Variants in SPEF2 observed in about 807,000 individuals in gnomAD.
SPEF2 encodes the protein sperm flagellar and cilia associated 2, also known as sperm flagella and cilia-associated protein 2.
In SPEF2, 187 loss-of-function variants were observed where a neutral mutation model predicts 224.6. The observed-to-expected ratio is 0.83, with a 90% CI of 0.74 to 0.94. The LOEUF (loss-of-function observed/expected upper bound fraction) is 0.94, where lower values mean the gene tolerates loss of function less well. SPEF2 is among the 40% of genes least tolerant of loss of function. SPEF2 has a pLI of 0.00. For synonymous variants in SPEF2, 715 were observed against 707.3 expected, an observed-to-expected ratio of 1.01 and a Z score of -0.17; for missense variants, 2,170 against 2,135.6, an observed-to-expected ratio of 1.02 and a Z score of -0.32.
In SPEF2 at chr5:35,618,237, G is replaced by A. The variant is rs1041754486; in HGVS notation, c.58+182G>A. Reference sequence around the variant, plus strand: ...CTCGGCGGTGCCCCAGGTCCGTCCCGCCACCTCCCTACAGCTCACCCCAGC... The same window carrying A: ...CTCGGCGGTGCCCCAGGTCCGTCCCACCACCTCCCTACAGCTCACCCCAGC... On this transcript the variant is annotated intron_variant, in intron 1 of 36. Coordinates refer to ENST00000356031, the MANE Select transcript of SPEF2 (RefSeq NM_024867.4). 5.9e-5 allele frequency among the ~76,000 whole-genome samples: 9 copies of A among 152,194 alleles called. No homozygotes were observed. The South Asian group carries it at 1.0e-3, about 18-fold the overall frequency.
chr5:35,738,554 T>G (rs898097551), intron 21 of SPEF2, among the ~76,000 whole-genome samples: 1 of 148,880 alleles, frequency 6.7e-6, no homozygotes, highest in African/African-American at 2.5e-5. Flanking sequence ...CAACAGAAAT[T>G]GTTAACAAGT....
intron 20 of SPEF2, among the ~76,000 whole-genome samples, chr5:35,726,966 C>T (rs1022720731): frequency 7.1e-6 from 1 of 141,544 alleles, no homozygotes; most frequent in Admixed American, 7.7e-5. Context: ...TCCTCTTTCT[C>T]GTTTTCTTCC....
At chr5:35,753,485 A>C (rs903303371) in intron 23 of SPEF2, 139 bp from the exon 24 acceptor site, 2 of 1,106,338 alleles carry the variant, frequency 1.8e-6, no homozygotes. Context: ...GAATGAGCAC[A>C]TACAATACAG....
rs367661624 is a variant in SPEF2, at chr5:35,659,206, C to A, written c.1166C>A (p.Ala389Glu). The A allele has an allele frequency of 6.3e-7, 1 of 1,595,928 alleles. No individual in the cohort carries two copies. The highest frequency in any genetic ancestry group is 8.6e-7 in the Non-Finnish European group (1 of 1,168,842). Reference sequence around the variant, plus strand: ...TTCCAGGATGCTCTTGATCGAGAAGCGGTAAATACCATCTTCCTTAGAAAT... The same window carrying A: ...TTCCAGGATGCTCTTGATCGAGAAGAGGTAAATACCATCTTCCTTAGAAAT... The part of the protein sequence containing the change: ...KDFQDALDRE[A>E]ALAKQAKIDF... Residue 389 changes from alanine (A) to glutamate (E), a missense_variant and splice_region_variant, in exon 8 of 37, where the codon GCG becomes GAG. Physicochemically the swap from Ala to Glu is moderately radical, Grantham distance 107 (BLOSUM62 -1). Coordinates refer to ENST00000356031, the MANE Select transcript of SPEF2 (RefSeq NM_024867.4).
intron 4 of SPEF2, among the ~76,000 whole-genome samples, chr5:35,645,868 A>C (rs1024478403): frequency 6.6e-6 from 1 of 152,152 alleles, no homozygotes; most frequent in Non-Finnish European, 1.5e-5. Context: ...CATATTTTGG[A>C]AAATGAAGAA....
At chr5:35,674,608 A>G (rs1048171940) in intron 10 of SPEF2, among the ~76,000 whole-genome samples, 4 of 137,542 alleles carry the variant, frequency 2.9e-5, no homozygotes, top group East Asian at 4.4e-4. Context: ...ATTCCCACCT[A>G]TGAGTGAGAA....
chr5:35,783,123 C>T lies in SPEF2; in HGVS notation c.4447+3777C>T, dbSNP rs1159042525. 3.3e-5 allele frequency among the ~76,000 whole-genome samples: 5 copies of T among 152,290 alleles called. No homozygotes were observed. The East Asian group carries it at 7.7e-4, about 23-fold the overall frequency. On this transcript the variant is annotated intron_variant, in intron 30 of 36. Transcript: ENST00000356031. ...GGAATCATTCCTATGAGCGTACTAC[C>T]GGCAGAGTTAGATCTAGTGAATATT...
At chr5:35,799,932 C>A (rs756618877) in intron 33 of SPEF2, 36 bp from the exon 34 acceptor site, 2 of 1,609,148 alleles carry the variant, frequency 1.2e-6, no homozygotes, top group Admixed American at 3.3e-5. Context: ...TATGAGAGTG[C>A]ACCCATTTTA....
At chr5:35,689,908 A>T (rs569067469) in intron 10 of SPEF2, among the ~76,000 whole-genome samples, 1 of 152,294 alleles carries the variant, frequency 6.6e-6, no homozygotes, top group African/African-American at 2.4e-5. Context: ...TAGAAATTTC[A>T]TTATCCATTA....
intron 7 of SPEF2, among the ~76,000 whole-genome samples, chr5:35,658,641 G>A (rs1187422432): frequency 1.3e-5 from 2 of 151,300 alleles, no homozygotes; most frequent in African/African-American, 4.9e-5. Context: ...TGTTATATAG[G>A]TAAACTCGTG....
At chr5:35,685,320 T>C (rs1212656532) in intron 10 of SPEF2, among the ~76,000 whole-genome samples, 1 of 152,142 alleles carries the variant, frequency 6.6e-6, no homozygotes, top group African/African-American at 2.4e-5. Context: ...TCTGCAGTGT[T>C]CTCATATCAG....
intron 33 of SPEF2, among the ~76,000 whole-genome samples, chr5:35,797,199 C>A (rs1426970633): frequency 6.6e-6 from 1 of 152,100 alleles, no homozygotes; most frequent in Non-Finnish European, 1.5e-5. Context: ...ACTTTTGGAG[C>A]AGGTGGCTCC....
intron 10 of SPEF2, among the ~76,000 whole-genome samples, chr5:35,687,003 C>T (rs532708908): frequency 3.3e-5 from 5 of 151,924 alleles, no homozygotes; most frequent in Non-Finnish European, 7.4e-5. Context: ...TATAATCAAA[C>T]TACCAACTTT....
chr5:35,798,209 T>G (rs1028648079), intron 33 of SPEF2, among the ~76,000 whole-genome samples: 11 of 152,100 alleles, frequency 7.2e-5, no homozygotes, highest in African/African-American at 2.4e-5. Flanking sequence ...CATCCCCCGC[T>G]CAAAACTTCC....
intron 20 of SPEF2, among the ~76,000 whole-genome samples, chr5:35,723,811 CAG>C (rs1451095758): frequency 6.6e-6 from 1 of 152,208 alleles, no homozygotes; most frequent in Admixed American, 6.5e-5. Flanking sequence ...AGACCTTTAA[CAG>C]AGGACAGTAT....
intron 11 of SPEF2, 119 bp from the exon 12 acceptor site, chr5:35,692,451 C>T: frequency 1.4e-6 from 1 of 724,270 alleles, no homozygotes; most frequent in Non-Finnish European, 2.3e-6. Flanking sequence ...AAACTTGATC[C>T]AAAAGACTGT....
At chr5:35,812,808 A>G (rs1304490592) in intron 36 of SPEF2, among the ~76,000 whole-genome samples, 1 of 152,244 alleles carries the variant, frequency 6.6e-6, no homozygotes, top group East Asian at 1.9e-4. Context: ...TAACATACCT[A>G]TAATTATAAG....
chr5:35,711,560 G>A (rs1161534469), intron 19 of SPEF2, among the ~76,000 whole-genome samples: 1 of 150,986 alleles, frequency 6.6e-6, no homozygotes, highest in South Asian at 2.1e-4. Flanking sequence ...CTTCTATTTA[G>A]GTTTTTCTTT....
rs773531418 is a variant in SPEF2 at position 35,807,634 on chromosome 5, G to C, written c.5379+381G>C. 9.2e-5 allele frequency: 141 copies of C among 1,535,044 alleles called. 2 individuals carry two copies. In the South Asian group the frequency reaches 1.1e-3, roughly 12 times the overall value. ...GACATATTCATTGTACTCTAATCAC[G>C]CAAGGTACACATCATCTATGTAGTG... is the stretch of plus-strand genomic sequence containing the variant. On this transcript the variant is annotated intron_variant, in intron 36 of 36. Coordinates refer to ENST00000356031, the MANE Select transcript of SPEF2 (RefSeq NM_024867.4).
Sources: allele counts gnomAD v4.1 joint callset (sites outside exome capture counted in the v4.1 genomes callset), GRCh38; gene constraint gnomAD v4.1.1; transcripts MANE v1.5; gene names NCBI Gene and HGNC (gene_info 2026-07-23, HGNC 2026-07-21).